Variants in HCFC1 observed in about 807,000 individuals in gnomAD.
HCFC1 encodes host cell factor 1.
HCFC1 carries 7 observed loss-of-function variants against 105.5 expected under a neutral mutation model. The observed-to-expected ratio is 0.07, with a 90% confidence interval of 0.04 to 0.12. The LOEUF (loss-of-function observed/expected upper bound fraction) is 0.12, where lower values mean the gene tolerates loss of function less well. HCFC1 is among the 10% of genes least tolerant of loss of function. HCFC1 has a pLI of 1.00. For synonymous variants in HCFC1, 918 were observed against 828.1 expected (o/e 1.11, Z -1.86); for missense variants, 1,065 against 1,823.6 (o/e 0.58, Z 7.58).
chrX:153,961,750 C>G, intron 5 of HCFC1, 102 bp from the exon 6 acceptor site: 1 of 595,588 alleles, frequency 1.7e-6, no homozygotes. Flanking sequence ...TCTGGCTCTC[C>G]CCAGGAGAGT....
Position 153,957,551 on chromosome X carries a change from G to A in HCFC1, c.2134-18C>T. 8 of 1,132,569 alleles carry A rather than the reference G, an allele frequency of 7.1e-6. No individual in the cohort carries two copies. Among genetic ancestry groups the A allele is most frequent in the South Asian group, 3.7e-5 (2 of 53,474 alleles). 93.3% of individuals were successfully genotyped at this position (1,132,569 alleles called of 1,213,427 possible). A position where few individuals can be genotyped will look rare whatever the true frequency, so the allele number is the denominator to read the frequency against. ...CCTTTGGTCTGAAAGGGGGAAGCAG[G>A]TGCATGAGCCGGCATCACTGCCAGG... On this transcript the variant is annotated intron_variant, in intron 12 of 25. Coordinates refer to ENST00000310441, the MANE Select transcript of HCFC1 (RefSeq NM_005334.3).
chrX:153,958,316 C>A, intron 10 of HCFC1, 67 bp from the exon 11 acceptor site: 1 of 888,417 alleles, frequency 1.1e-6, no homozygotes, highest in Admixed American at 2.4e-5. Context: ...CCAAGATGTC[C>A]ACGGTGGGCC....
At position 153,949,365 on chromosome X, in the gene HCFC1, A is replaced by G; in HGVS notation, c.6090T>C (p.Ser2030=). ...SPEMKSAPKK[S]KADGQ is the part of the protein sequence containing the mutation. Reference sequence around the variant, plus strand: ...CTTCCTCTCACTGACCATCGGCCTTAGATTTCTTTGGAGCAGATTTCCTTG... The same window carrying G: ...CTTCCTCTCACTGACCATCGGCCTTGGATTTCTTTGGAGCAGATTTCCTTG... The change falls in exon 26 of 26, where the codon TCT becomes TCC. Residue 2030 remains serine (S), a synonymous_variant. Transcript: ENST00000310441. 8.3e-7 allele frequency: 1 copy of G among 1,207,535 alleles called. No individual in the cohort carries two copies. Among genetic ancestry groups the G allele is most frequent in the Non-Finnish European group, 1.1e-6 (1 of 892,629 alleles).
chrX:153,955,321 G>A lies in HCFC1; in HGVS notation c.3078C>T (p.Thr1026=). The stretch of plus-strand genomic sequence containing the variant: ...CCACAACAGTAGTGGTGGCCGTGTT[G>A]GTGGTGCCAGTCTCGTGGGTCTCAC... ...PPCETHETGT[T]NTATTTVVAN... is the part of the protein sequence containing the mutation. The change falls in exon 17 of 26, where the codon ACC becomes ACT. Residue 1026 remains threonine (T), a synonymous_variant. Coordinates refer to ENST00000310441, the MANE Select transcript of HCFC1 (RefSeq NM_005334.3). 1.7e-6 allele frequency: 2 copies of A among 1,211,996 alleles called. No individual in the cohort carries two copies. The highest frequency in any genetic ancestry group is 2.2e-6 in the Non-Finnish European group (2 of 895,393).
Position 153,949,097 on chromosome X carries a change from C to T in HCFC1, c.*250G>A, listed in dbSNP as rs1288920357. 99 of 307,614 alleles carry T rather than the reference C, an allele frequency of 3.2e-4. No individual in the cohort carries two copies. The highest frequency in any genetic ancestry group is 3.0e-4 in the Non-Finnish European group (53 of 176,292). The allele number at this position is 307,614 out of a possible 1,213,427, so 25.4% of individuals were successfully genotyped here. The stretch of plus-strand genomic sequence containing the variant: ...AGTCTCTCCCCAGGGTGGGCGGCAG[C>T]GGGGAGGAAAGGAAGCGCGCTCCTC... On this transcript the variant is annotated 3_prime_UTR_variant, in exon 26 of 26. Coordinates refer to ENST00000310441, the MANE Select transcript of HCFC1 (RefSeq NM_005334.3).
At chrX:153,968,887 T>C (rs1345712783) in intron 1 of HCFC1, among the ~76,000 whole-genome samples, 2 of 112,153 alleles carry the variant, frequency 1.8e-5, no homozygotes, top group African/African-American at 6.5e-5. Flanking sequence ...TGGAGAAGCC[T>C]TAGCTTACTG....
Position 153,949,859 on chromosome X carries a change from C to A in HCFC1, c.6005-243G>T, listed in dbSNP as rs112330455. ...CACTCAGCTCAGCTCCCACCTCTCACTGCCCTCCCAGGTCCCAGAGCCCCA... is the reference window on the plus strand; with the variant it reads ...CACTCAGCTCAGCTCCCACCTCTCAATGCCCTCCCAGGTCCCAGAGCCCCA... On this transcript the variant is annotated intron_variant, in intron 24 of 25. Transcript: ENST00000310441. Among the ~76,000 whole-genome samples, 572 of 112,318 alleles carry A rather than the reference C, an allele frequency of 5.1e-3. 4 individuals carry two copies. Among genetic ancestry groups the A allele is most frequent in the Middle Eastern group, 0.028 (6 of 218 alleles).
chrX:153,962,554 G>A (rs2065439312), intron 4 of HCFC1, among the ~76,000 whole-genome samples: 2 of 112,552 alleles, frequency 1.8e-5, no homozygotes, highest in Admixed American at 9.3e-5. Flanking sequence ...CCCTGAGCCA[G>A]GACTGCACTC....
intron 23 of HCFC1, 55 bp downstream of exon 23, chrX:153,950,758 C>A: frequency 8.9e-7 from 1 of 1,120,938 alleles, no homozygotes; most frequent in Non-Finnish European, 1.2e-6. Flanking sequence ...ACCTCATGTG[C>A]TGAGGCAGGC....
chrX:153,950,428 C>T lies in HCFC1; in HGVS notation c.5819G>A (p.Ser1940Asn). Residue 1940 changes from serine (S) to asparagine (N), a missense_variant, in exon 24 of 26, where the codon AGC becomes AAC. Ser to Asn is a conservative substitution (Grantham distance 46). Coordinates refer to ENST00000310441, the MANE Select transcript of HCFC1 (RefSeq NM_005334.3). ...GAAGGCCAGCTGGGCCGGGGTGGAG[C>T]TCTTGAGCTCGCCCCCAGCCTGTGA... ...QSSQAGGELKSSTPAQLAFMR... is the reference protein window; with the variant it reads ...QSSQAGGELKNSTPAQLAFMR... The T allele has an allele frequency of 8.3e-7, 1 of 1,209,091 alleles. No homozygotes were observed. The highest frequency in any genetic ancestry group is 1.1e-6 in the Non-Finnish European group (1 of 894,202).
chrX:153,947,838 T>C lies in HCFC1; in HGVS notation c.*1509A>G, dbSNP rs1255248798. ...TGCTGCGTCTCCAGGCAGAGGTCGG[T>C]AGGGGAGGGCTGGAAAGATTGGCTG... On this transcript the variant is annotated 3_prime_UTR_variant, in exon 26 of 26. Coordinates refer to ENST00000310441, the MANE Select transcript of HCFC1 (RefSeq NM_005334.3). The C allele has an allele frequency of 1.8e-5, 2 of 111,042 alleles. No individual in the cohort carries two copies. Among genetic ancestry groups the C allele is most frequent in the Admixed American group, 9.6e-5 (1 of 10,456 alleles). 9.2% of individuals were successfully genotyped at this position (111,042 alleles called of 1,213,427 possible).
chrX:153,949,091 C>T lies in HCFC1; in HGVS notation c.*256G>A, dbSNP rs2065284297. 2 of 301,684 alleles carry T rather than the reference C, an allele frequency of 6.6e-6. No individual in the cohort carries two copies. The highest frequency in any genetic ancestry group is 6.9e-5 in the South Asian group (1 of 14,450). The allele number at this position is 301,684 out of a possible 1,213,427, so 24.9% of individuals were successfully genotyped here. A position where few individuals can be genotyped will look rare whatever the true frequency, so the allele number is the denominator to read the frequency against. ...CGCAAAAGTCTCTCCCCAGGGTGGGCGGCAGCGGGGAGGAAAGGAAGCGCG... is the reference window on the plus strand; with the variant it reads ...CGCAAAAGTCTCTCCCCAGGGTGGGTGGCAGCGGGGAGGAAAGGAAGCGCG... On this transcript the variant is annotated 3_prime_UTR_variant, in exon 26 of 26. Coordinates refer to ENST00000310441, the MANE Select transcript of HCFC1 (RefSeq NM_005334.3).
intron 22 of HCFC1, 58 bp downstream of exon 22, chrX:153,951,292 C>A: frequency 8.5e-7 from 1 of 1,172,653 alleles, no homozygotes; most frequent in Non-Finnish European, 1.2e-6. Flanking sequence ...AAGCCCCGCT[C>A]AGGGTGGTGG....
In HCFC1 at chrX:153,970,745, G is replaced by C; in HGVS notation, c.96C>G (p.Pro32=). ...TGGCCACGGCGCGGTGGCCGTGGCG[G>C]GGCCGTGGCACCGGACCCGACCAGC... ...VVGWSGPVPR[P]RHGHRAVAIK... The change falls in exon 1 of 26, where the codon CCC becomes CCG. Residue 32 remains proline (P), a synonymous_variant. Coordinates refer to ENST00000310441, the MANE Select transcript of HCFC1 (RefSeq NM_005334.3). 1 of 1,207,943 alleles carries C rather than the reference G, an allele frequency of 8.3e-7. No homozygotes were observed. The highest frequency in any genetic ancestry group is 1.1e-6 in the Non-Finnish European group (1 of 893,229).
At chrX:153,963,102 G>A (rs1469944586) in intron 4 of HCFC1, 123 bp downstream of exon 4, 9 of 535,402 alleles carry the variant, frequency 1.7e-5, no homozygotes, top group Admixed American at 5.2e-5. Flanking sequence ...AGGAAAGCAC[G>A]AAGTGGTATG....
At chrX:153,957,689 C>G (rs782593907) in intron 12 of HCFC1, 93 bp downstream of exon 12, 2 of 790,342 alleles carry the variant, frequency 2.5e-6, no homozygotes, top group East Asian at 3.2e-5. Context: ...CATGTGTGCT[C>G]ATGGGATCTT....
chrX:153,969,945 G>T (rs1316698101), intron 1 of HCFC1: 1 of 113,223 alleles, frequency 8.8e-6, no homozygotes, highest in Non-Finnish European at 1.9e-5. Context: ...AGAAGTAAAC[G>T]TGGAAAGGGA....
chrX:153,965,706 C>G (rs1557118217), intron 1 of HCFC1, among the ~76,000 whole-genome samples: 1 of 112,748 alleles, frequency 8.9e-6, no homozygotes, highest in Non-Finnish European at 1.9e-5. Context: ...CAAGATGGGT[C>G]CCCCAGGACG....
intron 12 of HCFC1, 88 bp downstream of exon 12, chrX:153,957,694 G>A: frequency 1.3e-6 from 1 of 792,085 alleles, no homozygotes; most frequent in South Asian, 2.3e-5. Flanking sequence ...GTGCTCATGG[G>A]ATCTTCCATG....
Sources: allele counts gnomAD v4.1 joint callset (sites outside exome capture counted in the v4.1 genomes callset), GRCh38; gene constraint gnomAD v4.1.1; transcripts MANE v1.5; gene names NCBI Gene and HGNC (gene_info 2026-07-23, HGNC 2026-07-21).